FSD2: variants seen among roughly 807,000 people sequenced by gnomAD.
FSD2 encodes the protein fibronectin type III and SPRY domain-containing protein 2.
In FSD2, 71 loss-of-function variants were observed where a neutral mutation model predicts 80.4. The observed-to-expected ratio is 0.88, with a 90% confidence interval of 0.73 to 1.08. The LOEUF (loss-of-function observed/expected upper bound fraction) is 1.08, where lower values mean the gene tolerates loss of function less well. Among genes scored for constraint, FSD2 ranks in the 50% least tolerant of loss-of-function variants. FSD2 has a pLI of 0.00. For synonymous variants in FSD2, 361 were observed against 329.5 expected, an observed-to-expected ratio of 1.10 and a Z score of -1.03; for missense variants, 923 against 913.8, an observed-to-expected ratio of 1.01 and a Z score of -0.13.
At chr15:82,769,100 G>A in intron 8 of FSD2, 70 bp from the exon 9 acceptor site, 2 of 1,313,546 alleles carry the variant, frequency 1.5e-6, no homozygotes, top group East Asian at 5.8e-5. Context: ...TCAGAGCCAT[G>A]GACAAACATC....
chr15:82,766,503 A>G (rs1272319100), intron 9 of FSD2, among the ~76,000 whole-genome samples: 2 of 152,160 alleles, frequency 1.3e-5, no homozygotes, highest in Non-Finnish European at 2.9e-5. Flanking sequence ...GCACTTTGGG[A>G]GGCTGAGGCG....
intron 1 of FSD2, among the ~76,000 whole-genome samples, chr15:82,802,711 G>A (rs1444957084): frequency 6.6e-6 from 1 of 152,124 alleles, no homozygotes; most frequent in Non-Finnish European, 1.5e-5. Context: ...GGTCTCCCCA[G>A]CTTAGGAGCA....
At chr15:82,791,952 T>G (rs1476552415) in intron 1 of FSD2, among the ~76,000 whole-genome samples, 2 of 152,254 alleles carry the variant, frequency 1.3e-5, no homozygotes, top group African/African-American at 4.8e-5. Context: ...TTCCGTTGTA[T>G]GGATATGCCA....
chr15:82,777,850 T>TAA (rs34779936), intron 6 of FSD2, among the ~76,000 whole-genome samples: 109 of 130,568 alleles, frequency 8.3e-4, no homozygotes, highest in Non-Finnish European at 1.4e-3. Flanking sequence ...CTTTCTCAAT[T>TAA]AAAAAAAAAA....
intron 12 of FSD2, among the ~76,000 whole-genome samples, chr15:82,760,793 C>T (rs1215980806): frequency 2.0e-5 from 3 of 152,104 alleles, no homozygotes; most frequent in Non-Finnish European, 4.4e-5. Flanking sequence ...TTGGCTCTAG[C>T]ACTTGGACTG....
At position 82,765,392 on chromosome 15, in the gene FSD2, C is replaced by G. The variant is rs2049392137; in HGVS notation, c.1688-94G>C. 2.0e-5 allele frequency: 31 copies of G among 1,525,464 alleles called. No homozygotes were observed. In the South Asian group the frequency reaches 3.6e-4, roughly 18 times the overall value. The allele number at this position is 1,525,464 out of a possible 1,614,324, so 94.5% of individuals were successfully genotyped here. A position where few individuals can be genotyped will look rare whatever the true frequency, so the allele number is the denominator to read the frequency against. ...CCGGTTTAGCTTCGTGTGGGATACACCTAAGCCTGGACCTGGCCTAGTAAT... is the reference window on the plus strand; with the variant it reads ...CCGGTTTAGCTTCGTGTGGGATACAGCTAAGCCTGGACCTGGCCTAGTAAT... On this transcript the variant is annotated intron_variant, in intron 10 of 12. Transcript: ENST00000334574.
At position 82,769,775 on chromosome 15, in the gene FSD2, A is replaced by G. The variant is rs904655506; in HGVS notation, c.1377T>C (p.Ser459=). ...CTGTCATGTACACTGCACGCTCGCT[A>G]GAGGGGCTGGGGCCAGCCCTGTTGT... ...TAHNRAGPSP[S]SERAVYMTAP... is the part of the protein sequence containing the mutation. The change falls in exon 8 of 13, where the codon TCT becomes TCC. Residue 459 remains serine (S), a synonymous_variant. Coordinates refer to ENST00000334574, the MANE Select transcript of FSD2 (RefSeq NM_001007122.4). 1 of 1,613,938 alleles carries G rather than the reference A, an allele frequency of 6.2e-7. No homozygotes were observed. Among genetic ancestry groups the G allele is most frequent in the Non-Finnish European group, 8.5e-7 (1 of 1,179,844 alleles).
intron 5 of FSD2, 69 bp from the exon 6 acceptor site, chr15:82,778,956 G>T: frequency 1.3e-6 from 2 of 1,533,106 alleles, no homozygotes; most frequent in Non-Finnish European, 1.8e-6. Flanking sequence ...ATATAGTGCT[G>T]AGTCACTGTC....
Position 82,772,098 on chromosome 15 carries a change from G to A in FSD2, c.1242C>T (p.Asp414=). Residue 414 remains aspartate, a synonymous_variant, in exon 7 of 13, where the codon GAC becomes GAT. Transcript: ENST00000334574. Reference sequence around the variant, plus strand: ...CTGCTTGGTCCGTCCCAGGTGAGCTGTCCTGCACTGGCCGGTAGGACAGCT... The same window carrying A: ...CTGCTTGGTCCGTCCCAGGTGAGCTATCCTGCACTGGCCGGTAGGACAGCT... ...SYQLSYRPVQ[D]SSPGTDQAEF... 6.3e-7 allele frequency: 1 copy of A among 1,598,984 alleles called. No homozygotes were observed. Among genetic ancestry groups the A allele is most frequent in the Non-Finnish European group, 8.5e-7 (1 of 1,174,030 alleles).
intron 7 of FSD2, among the ~76,000 whole-genome samples, chr15:82,771,211 T>G (rs1235943832): frequency 1.3e-5 from 2 of 152,218 alleles, no homozygotes; most frequent in East Asian, 3.9e-4. Flanking sequence ...CCTACACACC[T>G]GATTCACGTC....
At chr15:82,777,209 A>C (rs1437370140) in intron 6 of FSD2, among the ~76,000 whole-genome samples, 5 of 152,240 alleles carry the variant, frequency 3.3e-5, no homozygotes, top group African/African-American at 4.8e-5. Context: ...CAACAAAACA[A>C]AAAATAGGCA....
At chr15:82,798,789 C>CT (rs2050338662) in intron 1 of FSD2, among the ~76,000 whole-genome samples, 1 of 151,598 alleles carries the variant, frequency 6.6e-6, no homozygotes, top group Non-Finnish European at 1.5e-5. Flanking sequence ...ACTGTCACTT[C>CT]TGCTGATAGA....
chr15:82,765,260 A>G lies in FSD2; in HGVS notation c.1726T>C (p.Trp576Arg), dbSNP rs2151489550. 1.9e-6 allele frequency: 3 copies of G among 1,613,336 alleles called. No individual in the cohort carries two copies. The highest frequency in any genetic ancestry group is 2.5e-6 in the Non-Finnish European group (3 of 1,179,640). Reference protein sequence around the residue: ...FRLNKDTCHPWLTISEDGLTA... With the variant: ...FRLNKDTCHPRLTISEDGLTA... ...AGTCCGTCTTCAGAAATGGTCAGCC[A>G]GGGATGGCAAGTGTCCTTGTTTAGG... Residue 576 changes from tryptophan (W) to arginine (R), a missense_variant, in exon 11 of 13, where the codon TGG becomes CGG. By Grantham distance (101) the Trp-to-Arg change is moderately radical. Transcript: ENST00000334574.
intron 6 of FSD2, 56 bp from the exon 7 acceptor site, chr15:82,772,284 G>A: frequency 6.5e-7 from 1 of 1,529,652 alleles, no homozygotes; most frequent in Non-Finnish European, 8.9e-7. Context: ...TGGGGTGACA[G>A]TGGCCCCTTT....
Position 82,787,418 on chromosome 15 carries a change from C to T in FSD2, c.-28G>A. Reference sequence around the variant, plus strand: ...TAACTCTGGAAGTCCTCAGAAGCACCTTTATATAAGAAAGATCCTTCCTGG... The same window carrying T: ...TAACTCTGGAAGTCCTCAGAAGCACTTTTATATAAGAAAGATCCTTCCTGG... On this transcript the variant is annotated 5_prime_UTR_variant, in exon 2 of 13. Coordinates refer to ENST00000334574, the MANE Select transcript of FSD2 (RefSeq NM_001007122.4). The T allele has an allele frequency of 6.4e-7, 1 of 1,557,556 alleles. No homozygotes were observed. The highest frequency in any genetic ancestry group is 8.7e-7 in the Non-Finnish European group (1 of 1,154,458).
chr15:82,778,891 T>C lies in FSD2; in HGVS notation c.990-4A>G. The C allele has an allele frequency of 6.2e-6, 10 of 1,613,898 alleles. No homozygotes were observed. Among genetic ancestry groups the C allele is most frequent in the Non-Finnish European group, 8.5e-6 (10 of 1,179,850 alleles). Reference sequence around the variant, plus strand: ...TGTTTTCAGGAATTTCCCGAGTCTGTTGGTATAAAAAGACATGCTGACTAG... The same window carrying C: ...TGTTTTCAGGAATTTCCCGAGTCTGCTGGTATAAAAAGACATGCTGACTAG... On this transcript the variant is annotated splice_polypyrimidine_tract_variant and splice_region_variant and intron_variant, in intron 5 of 12. Coordinates refer to ENST00000334574, the MANE Select transcript of FSD2 (RefSeq NM_001007122.4).
intron 6 of FSD2, among the ~76,000 whole-genome samples, chr15:82,772,568 C>T (rs747766855): frequency 6.6e-6 from 1 of 152,176 alleles, no homozygotes; most frequent in Non-Finnish European, 1.5e-5. Flanking sequence ...ACCGGGATCA[C>T]AGCACTGCTG....
At chr15:82,801,193 T>G (rs1272556641) in intron 1 of FSD2, among the ~76,000 whole-genome samples, 4 of 152,208 alleles carry the variant, frequency 2.6e-5, no homozygotes, top group Non-Finnish European at 4.4e-5. Flanking sequence ...GAACCCAGGA[T>G]GCTGGAAACA....
At chr15:82,785,498 A>G (rs2049974013) in intron 3 of FSD2, among the ~76,000 whole-genome samples, 1 of 151,746 alleles carries the variant, frequency 6.6e-6, no homozygotes, top group South Asian at 2.1e-4. Context: ...CTAATTTTTT[A>G]TTAGTAGTAG....
Sources: gnomAD v4.1 joint callset for allele counts (sites outside exome capture counted in the v4.1 genomes callset) on GRCh38, gnomAD v4.1.1 for gene constraint, MANE v1.5 for transcripts, NCBI Gene and HGNC (gene_info 2026-07-23, HGNC 2026-07-21) for gene names.